Variants in ANK3 observed in about 807,000 individuals in gnomAD.
The protein encoded by ANK3 is ankyrin 3.
A neutral mutation model predicts 370.9 loss-of-function variants in ANK3; 57 were observed. The observed-to-expected ratio is 0.15, with a 90% confidence interval of 0.12 to 0.19. The LOEUF is 0.19. ANK3 is among the 10% of genes least tolerant of loss of function. ANK3 has a pLI of 1.00. For synonymous variants in ANK3, 1,929 were observed against 1,946.3 expected (o/e 0.99, Z 0.23); for missense variants, 4,439 against 5,302.1 (o/e 0.84, Z 5.06).
intron 1 of ANK3, among the ~76,000 whole-genome samples, chr10:60,334,624 G>A (rs113528343): frequency 7.2e-5 from 11 of 152,052 alleles, no homozygotes; most frequent in African/African-American, 2.4e-4. Flanking sequence ...GCATAACTTC[G>A]CAGCAAGTTT....
chr10:60,572,887 TGA>T (rs1311933635), intron 2 of ANK3: 32 of 1,029,182 alleles, frequency 3.1e-5, no homozygotes, highest in East Asian at 2.6e-4. Context: ...CTGGAAATGG[TGA>T]GAGAGAGAGA....
In ANK3 at chr10:60,073,229, GGAC is replaced by G. The variant is rs2083096289; in HGVS notation, c.7649_7651del (p.Ser2550_Pro2551delinsThr). The G allele has an allele frequency of 1.2e-6, 2 of 1,613,924 alleles. No individual in the cohort carries two copies. Among genetic ancestry groups the G allele is most frequent in the African/African-American group, 2.7e-5 (2 of 74,882 alleles). On this transcript the variant is annotated inframe_deletion, in exon 37 of 44. Coordinates refer to ENST00000280772, the MANE Select transcript of ANK3 (RefSeq NM_020987.5). Reference sequence around the variant, plus strand: ...AAAGCGCATCCACATGGCATGTTTTGGACTACTAACATTGCCAGAATAGTGCAA... The same window carrying G: ...AAAGCGCATCCACATGGCATGTTTTGTACTAACATTGCCAGAATAGTGCAA...
At chr10:60,293,278 A>G (rs2041844933) in intron 1 of ANK3, among the ~76,000 whole-genome samples, 2 of 152,200 alleles carry the variant, frequency 1.3e-5, no homozygotes, top group South Asian at 4.1e-4. Flanking sequence ...TGATAGCATT[A>G]GTCATTTACA....
chr10:60,298,266 T>C (rs2042958675), intron 1 of ANK3, among the ~76,000 whole-genome samples: 1 of 152,180 alleles, frequency 6.6e-6, no homozygotes, highest in African/African-American at 2.4e-5. Flanking sequence ...CTAGTTCTAG[T>C]TCTTCCATAC....
At chr10:60,147,465 A>G (rs1450104840) in intron 23 of ANK3, among the ~76,000 whole-genome samples, 3 of 152,204 alleles carry the variant, frequency 2.0e-5, no homozygotes, top group Admixed American at 2.0e-4. Context: ...TCGTTCTTTC[A>G]AAACAGAAAA....
intron 2 of ANK3, among the ~76,000 whole-genome samples, chr10:60,436,302 G>A (rs1244546982): frequency 6.6e-6 from 1 of 152,198 alleles, no homozygotes; most frequent in Non-Finnish European, 1.5e-5. Context: ...TTGTGTGGAA[G>A]CATGTTTTCA....
chr10:60,666,070 A>C (rs1475630133), intron 1 of ANK3, among the ~76,000 whole-genome samples: 3 of 152,216 alleles, frequency 2.0e-5, no homozygotes, highest in Non-Finnish European at 4.4e-5. Flanking sequence ...TATAGACCCC[A>C]AAAAATTGAA....
intron 2 of ANK3, among the ~76,000 whole-genome samples, chr10:60,440,578 A>G (rs1286216990): frequency 6.6e-6 from 1 of 152,056 alleles, no homozygotes; most frequent in African/African-American, 2.4e-5. Context: ...TTTTCCCTCA[A>G]CACCTGGGGA....
At chr10:60,602,780 G>A (rs1243040899) in intron 2 of ANK3, among the ~76,000 whole-genome samples, 3 of 151,938 alleles carry the variant, frequency 2.0e-5, no homozygotes, top group East Asian at 1.9e-4. Flanking sequence ...CTCCTGATAT[G>A]ACCTAAATCA....
chr10:60,483,172 G>A (rs930848901), intron 2 of ANK3, among the ~76,000 whole-genome samples: 5 of 152,154 alleles, frequency 3.3e-5, no homozygotes, highest in Non-Finnish European at 5.9e-5. Flanking sequence ...TTAAGTGGCA[G>A]AGCTGGTGTT....
intron 1 of ANK3, among the ~76,000 whole-genome samples, chr10:60,650,667 C>A (rs1029145545): frequency 1.3e-5 from 2 of 152,130 alleles, no homozygotes; most frequent in Non-Finnish European, 2.9e-5. Context: ...GCTTTGTAGA[C>A]CAGACACTAA....
rs1438058349 is a variant in ANK3, at chr10:60,076,427, G to A, written c.4454C>T (p.Thr1485Ile). 3.1e-6 allele frequency: 5 copies of A among 1,610,036 alleles called. No individual in the cohort carries two copies. The highest frequency in any genetic ancestry group is 4.2e-6 in the Non-Finnish European group (5 of 1,177,954). The change falls in exon 37 of 44, where the codon ACA becomes ATA. Residue 1485 changes from threonine to isoleucine, a missense_variant. This residue lies in a region of ANK3 where 679 missense variants were observed against 791.0 expected (regional missense o/e 0.86). Coordinates refer to ENST00000280772, the MANE Select transcript of ANK3 (RefSeq NM_020987.5). ...TGAGTAAGTGGTGGGGAGGGATCTTGTTGCTCCTGTACTCCGTTCAACTGT... is the reference window on the plus strand; with the variant it reads ...TGAGTAAGTGGTGGGGAGGGATCTTATTGCTCCTGTACTCCGTTCAACTGT... ...PGMIERSTGA[T>I]RSLPTTYSYK...
At chr10:60,660,903 G>A (rs142106088) in intron 1 of ANK3, among the ~76,000 whole-genome samples, 181 of 145,942 alleles carry the variant, frequency 1.2e-3, no homozygotes, top group African/African-American at 4.3e-3. Flanking sequence ...ACCTCTCAGA[G>A]TTTTAAATAC....
At chr10:60,145,409 A>G (rs1435596751) in intron 23 of ANK3, among the ~76,000 whole-genome samples, 1 of 152,196 alleles carries the variant, frequency 6.6e-6, no homozygotes, top group African/African-American at 2.4e-5. Flanking sequence ...ATTTTCTTTG[A>G]TCATACAGCA....
chr10:60,451,220 C>G (rs924575426), intron 2 of ANK3, among the ~76,000 whole-genome samples: 3 of 152,188 alleles, frequency 2.0e-5, no homozygotes, highest in Non-Finnish European at 1.5e-5. Flanking sequence ...AAGGAACCAC[C>G]CTTGCACATA....
At chr10:60,511,669 G>A (rs2076083638) in intron 2 of ANK3, among the ~76,000 whole-genome samples, 1 of 152,058 alleles carries the variant, frequency 6.6e-6, no homozygotes, top group South Asian at 2.1e-4. Flanking sequence ...CACACATTAA[G>A]AGACAAGACC....
chr10:60,153,397 A>G (rs192637606), intron 23 of ANK3, among the ~76,000 whole-genome samples: 5 of 152,246 alleles, frequency 3.3e-5, no homozygotes, highest in Non-Finnish European at 5.9e-5. Flanking sequence ...GGAGAAGAGA[A>G]GAGAGATTTG....
At chr10:60,054,132 C>T (rs566841687) in intron 42 of ANK3, among the ~76,000 whole-genome samples, 39 of 152,262 alleles carry the variant, frequency 2.6e-4, no homozygotes, top group African/African-American at 8.2e-4. Context: ...ACACACACAG[C>T]GGTGTTTATA....
At chr10:60,192,432 TTATAA>T (rs1371400549) in intron 16 of ANK3, among the ~76,000 whole-genome samples, 4 of 150,594 alleles carry the variant, frequency 2.7e-5, no homozygotes, top group African/African-American at 4.9e-5. Context: ...TTATATATAA[TTATAA>T]TATATACAAT....
Sources: allele counts gnomAD v4.1 joint callset (sites outside exome capture counted in the v4.1 genomes callset), GRCh38; gene constraint gnomAD v4.1.1; regional missense constraint gnomAD v4.1.1; transcripts MANE v1.5; gene names NCBI Gene and HGNC (gene_info 2026-07-23, HGNC 2026-07-21).